The following CBX5 variants were observed in gnomAD, a reference collection of about 807,000 sequenced individuals.
CBX5 encodes the protein chromobox protein homolog 5.
In CBX5, 7 loss-of-function variants were observed where a neutral mutation model predicts 20.7. The observed-to-expected ratio is 0.34, with a 90% CI of 0.19 to 0.63. CBX5 has a LOEUF of 0.63. CBX5 is among the 30% of genes least tolerant of loss of function. The probability of loss-of-function intolerance (pLI) is 0.75; values close to 1 mark genes in which losing one functional copy is unlikely to be tolerated. For synonymous variants in CBX5, 78 were observed against 77.0 expected (o/e 1.01, Z -0.07); for missense variants, 110 against 224.1 (o/e 0.49, Z 3.25).
chr12:54,263,356 C>G (rs921057922), intron 1 of CBX5, among the ~76,000 whole-genome samples: 4 of 146,892 alleles, frequency 2.7e-5, no homozygotes, highest in African/African-American at 1.0e-4. Context: ...GGCAAAACTC[C>G]GTCTCAAAAA....
chr12:54,241,648 A>AT lies in CBX5; in HGVS notation c.*106dup. 9.2e-7 allele frequency: 1 copy of AT among 1,089,308 alleles called. No individual in the cohort carries two copies. The highest frequency in any genetic ancestry group is 1.3e-6 in the Non-Finnish European group (1 of 752,982). The allele number at this position is 1,089,308 out of a possible 1,614,324, so 67.5% of individuals were successfully genotyped here. Reference sequence around the variant, plus strand: ...TCCTGTGGAGCACAGTGATAAGCACATTTTTTATGGATGTGTTTAGGATAG... The same window carrying AT: ...TCCTGTGGAGCACAGTGATAAGCACATTTTTTTATGGATGTGTTTAGGATAG... On this transcript the variant is annotated 3_prime_UTR_variant, in exon 5 of 5. Coordinates refer to ENST00000209875, the MANE Select transcript of CBX5 (RefSeq NM_012117.3).
At chr12:54,274,756 G>A (rs770112043) in intron 1 of CBX5, among the ~76,000 whole-genome samples, 2 of 152,000 alleles carry the variant, frequency 1.3e-5, no homozygotes, top group South Asian at 2.1e-4. Flanking sequence ...TGGCTAACAC[G>A]GTGAAATCCT....
At chr12:54,266,897 TA>T (rs1255454670) in intron 1 of CBX5, among the ~76,000 whole-genome samples, 1 of 152,176 alleles carries the variant, frequency 6.6e-6, no homozygotes, top group Non-Finnish European at 1.5e-5. Flanking sequence ...TAAAAAAAAG[TA>T]TCAGTTTTCT....
At chr12:54,269,530 A>T (rs1408378850) in intron 1 of CBX5, among the ~76,000 whole-genome samples, 1 of 151,982 alleles carries the variant, frequency 6.6e-6, no homozygotes, top group African/African-American at 2.4e-5. Context: ...CTGGGACTAC[A>T]GGAGCACACC....
At chr12:54,255,993 T>C (rs1943859533) in intron 2 of CBX5, 1 of 152,214 alleles carries the variant, frequency 6.6e-6, no homozygotes, top group Admixed American at 6.5e-5. Flanking sequence ...CATTTAGTTA[T>C]AGACAATGCT....
intron 1 of CBX5, among the ~76,000 whole-genome samples, chr12:54,274,817 G>A (rs1027079131): frequency 2.0e-5 from 3 of 152,150 alleles, no homozygotes; most frequent in African/African-American, 7.2e-5. Context: ...GCACGTGCCT[G>A]TAGTCCCAGC....
In CBX5 at chr12:54,263,906, G is replaced by C. The variant is rs149118884; in HGVS notation, c.-42-6214C>G. On this transcript the variant is annotated intron_variant, in intron 1 of 4. Transcript: ENST00000209875. ...AAAATACAAAAAATTAGCCAGATGT[G>C]GTGGCGGGAGCCTGTAGTCCCAGCT... Among the ~76,000 whole-genome samples, 740 of 151,954 alleles carry C rather than the reference G, an allele frequency of 4.9e-3. 4 individuals are homozygous for C. Among genetic ancestry groups the C allele is most frequent in the Admixed American group, 8.7e-3 (133 of 15,250 alleles).
intron 1 of CBX5, chr12:54,272,277 A>T (rs1371237920): frequency 6.6e-6 from 1 of 152,192 alleles, no homozygotes; most frequent in African/African-American, 2.4e-5. Context: ...ATAAATAATG[A>T]GTGTGTTATA....
At chr12:54,242,417 C>T (rs973093262) in intron 4 of CBX5, among the ~76,000 whole-genome samples, 7 of 149,796 alleles carry the variant, frequency 4.7e-5, no homozygotes, top group Non-Finnish European at 5.9e-5. Context: ...CCCAGCTACT[C>T]GGGAGGCTGA....
intron 2 of CBX5, among the ~76,000 whole-genome samples, chr12:54,256,441 TA>T (rs1364089188): frequency 2.0e-5 from 3 of 152,242 alleles, no homozygotes; most frequent in Admixed American, 1.3e-4. Flanking sequence ...TTGAGTCATG[TA>T]ATGAAATAAC....
At chr12:54,278,046 C>G (rs1944087665) in intron 1 of CBX5, among the ~76,000 whole-genome samples, 1 of 152,134 alleles carries the variant, frequency 6.6e-6, no homozygotes, top group Non-Finnish European at 1.5e-5. Context: ...GGTTTTCAAC[C>G]AAGGGAGATT....
At chr12:54,250,453 T>C (rs1208283132) in intron 3 of CBX5, among the ~76,000 whole-genome samples, 8 of 151,716 alleles carry the variant, frequency 5.3e-5, no homozygotes. Context: ...TATTATATGA[T>C]TTTCACTGCA....
chr12:54,270,825 G>A (rs961100614), intron 1 of CBX5, among the ~76,000 whole-genome samples: 3 of 152,176 alleles, frequency 2.0e-5, no homozygotes, highest in Admixed American at 6.5e-5. Context: ...GCTGAGATGA[G>A]AGGATCACTT....
chr12:54,276,366 G>A (rs935693340), intron 1 of CBX5, among the ~76,000 whole-genome samples: 3 of 152,050 alleles, frequency 2.0e-5, no homozygotes, highest in African/African-American at 7.2e-5. Flanking sequence ...GCCTACTGTT[G>A]GACAAAATCA....
At chr12:54,267,145 G>A (rs189762089) in intron 1 of CBX5, among the ~76,000 whole-genome samples, 13 of 152,254 alleles carry the variant, frequency 8.5e-5, no homozygotes, top group Non-Finnish European at 1.9e-4. Flanking sequence ...CATGAATTTG[G>A]AGACCTCGTC....
At chr12:54,247,541 GA>G (rs1396009921) in intron 3 of CBX5, among the ~76,000 whole-genome samples, 2 of 152,126 alleles carry the variant, frequency 1.3e-5, no homozygotes, top group African/African-American at 2.4e-5. Context: ...TTAAGAGAGA[GA>G]AAAAATTTGA....
chr12:54,266,935 C>A (rs1943962928), intron 1 of CBX5, among the ~76,000 whole-genome samples: 1 of 152,104 alleles, frequency 6.6e-6, no homozygotes, highest in African/African-American at 2.4e-5. Flanking sequence ...TACACCTAAA[C>A]CCACCACTGG....
chr12:54,277,680 G>A (rs1353915649), intron 1 of CBX5, among the ~76,000 whole-genome samples: 1 of 152,104 alleles, frequency 6.6e-6, no homozygotes, highest in Non-Finnish European at 1.5e-5. Flanking sequence ...TTATTAAATG[G>A]AACAATGATC....
intron 1 of CBX5, among the ~76,000 whole-genome samples, chr12:54,264,815 C>T (rs1406041275): frequency 6.6e-6 from 1 of 151,488 alleles, no homozygotes; most frequent in East Asian, 1.9e-4. Flanking sequence ...TGCACTCTAG[C>T]CTGGGAGACA....
Sources: allele counts gnomAD v4.1 joint callset (sites outside exome capture counted in the v4.1 genomes callset), GRCh38; gene constraint gnomAD v4.1.1; transcripts MANE v1.5; gene names NCBI Gene and HGNC (gene_info 2026-07-23, HGNC 2026-07-21).